The following RGS7 variants were observed in gnomAD, a reference collection of about 807,000 sequenced individuals.
RGS7 encodes regulator of G-protein signaling 7.
RGS7 carries 27 observed loss-of-function variants against 81.1 expected under a neutral mutation model. That is an observed-to-expected ratio of 0.33 (90% CI 0.25 to 0.46). The LOEUF is 0.46. Among genes scored for constraint, RGS7 ranks in the 20% least tolerant of loss-of-function variants. The pLI is 1.00. For synonymous variants in RGS7, 208 were observed against 207.7 expected, an observed-to-expected ratio of 1.00 and a Z score of -0.01; for missense variants, 396 against 607.4, an observed-to-expected ratio of 0.65 and a Z score of 3.66.
chr1:240,922,484 G>C (rs1474259185), intron 6 of RGS7, among the ~76,000 whole-genome samples: 1 of 151,924 alleles, frequency 6.6e-6, no homozygotes, highest in South Asian at 2.1e-4. Flanking sequence ...ATAAAGCACT[G>C]GTATCCACAA....
At chr1:241,120,771 G>C (rs1409286815) in intron 2 of RGS7, among the ~76,000 whole-genome samples, 1 of 152,074 alleles carries the variant, frequency 6.6e-6, no homozygotes, top group Non-Finnish European at 1.5e-5. Context: ...GAGGAAAATA[G>C]GGAAACTAGC....
intron 3 of RGS7, among the ~76,000 whole-genome samples, chr1:240,991,773 T>C (rs921323943): frequency 1.3e-5 from 2 of 152,208 alleles, no homozygotes; most frequent in Non-Finnish European, 2.9e-5. Flanking sequence ...AGCTACCATA[T>C]TGGAACACAT....
chr1:241,210,934 C>A (rs573800842), intron 2 of RGS7, among the ~76,000 whole-genome samples: 1 of 152,218 alleles, frequency 6.6e-6, no homozygotes, highest in South Asian at 2.1e-4. Context: ...TTGTGGTAAC[C>A]AAACTAAATG....
chr1:241,337,344 C>A (rs777453027), intron 2 of RGS7, among the ~76,000 whole-genome samples: 8 of 152,150 alleles, frequency 5.3e-5, no homozygotes, highest in Non-Finnish European at 8.8e-5. Flanking sequence ...GTTGAACAAT[C>A]ATTTAATGGA....
chr1:241,235,757 C>T (rs979600877), intron 2 of RGS7, among the ~76,000 whole-genome samples: 1 of 147,938 alleles, frequency 6.8e-6, no homozygotes, highest in Non-Finnish European at 1.5e-5. Context: ...CTCTCTCTCT[C>T]TTCACTCCTT....
At chr1:240,984,469 G>A (rs1378959730) in intron 3 of RGS7, among the ~76,000 whole-genome samples, 1 of 152,174 alleles carries the variant, frequency 6.6e-6, no homozygotes, top group Admixed American at 6.5e-5. Flanking sequence ...AAGAAGTCAA[G>A]GTTTCTAGCC....
At chr1:241,064,739 CAAAG>C (rs986454893) in intron 3 of RGS7, among the ~76,000 whole-genome samples, 3 of 151,328 alleles carry the variant, frequency 2.0e-5, no homozygotes, top group Non-Finnish European at 4.4e-5. Context: ...AAAAAAGAGA[CAAAG>C]AAAGAAAAAA....
At chr1:240,873,584 T>C (rs563218193) in intron 6 of RGS7, among the ~76,000 whole-genome samples, 34 of 152,250 alleles carry the variant, frequency 2.2e-4, no homozygotes, top group African/African-American at 7.9e-4. Flanking sequence ...CATCTTTGAG[T>C]AGAAACAGAA....
intron 3 of RGS7, chr1:240,998,903 C>T: frequency 2.6e-6 from 1 of 380,728 alleles, no homozygotes; most frequent in Non-Finnish European, 5.0e-6. Context: ...TTATCTTTTT[C>T]CTATCCTTTC....
chr1:241,053,324 G>A (rs889574172), intron 3 of RGS7, among the ~76,000 whole-genome samples: 3 of 152,162 alleles, frequency 2.0e-5, no homozygotes, highest in Non-Finnish European at 4.4e-5. Flanking sequence ...TACAGGCCTT[G>A]CACTCTTTAT....
intron 3 of RGS7, among the ~76,000 whole-genome samples, chr1:241,030,440 G>T (rs1199336232): frequency 7.1e-6 from 1 of 140,410 alleles, no homozygotes; most frequent in Non-Finnish European, 1.5e-5. Flanking sequence ...AAATATATAT[G>T]TGCAATATAT....
intron 6 of RGS7, among the ~76,000 whole-genome samples, chr1:240,876,531 A>G (rs887856103): frequency 6.6e-6 from 1 of 152,224 alleles, no homozygotes. Flanking sequence ...TTTTCCACTC[A>G]GCAAAACAGC....
chr1:241,244,645 ACACACG>A (rs1190723164), intron 2 of RGS7, among the ~76,000 whole-genome samples: 103 of 152,260 alleles, frequency 6.8e-4, no homozygotes, highest in Middle Eastern at 3.4e-3. Context: ...TGCTCTAAAG[ACACACG>A]CACACATATG....
intron 9 of RGS7, among the ~76,000 whole-genome samples, chr1:240,832,258 A>G (rs1693980374): frequency 6.6e-6 from 1 of 152,216 alleles, no homozygotes; most frequent in African/African-American, 2.4e-5. Flanking sequence ...TGGATACAGT[A>G]TTAAGCACAT....
chr1:241,063,406 C>T (rs79117393), intron 3 of RGS7, among the ~76,000 whole-genome samples: 3,875 of 152,204 alleles, frequency 0.025, 149 homozygotes, highest in African/African-American at 0.075. Context: ...GTTTTTGGCT[C>T]AGATGAAGGC....
intron 3 of RGS7, among the ~76,000 whole-genome samples, chr1:241,094,267 A>C (rs2064096662): frequency 6.6e-6 from 1 of 151,900 alleles, no homozygotes; most frequent in Non-Finnish European, 1.5e-5. Context: ...ACACACACAC[A>C]CACACACACA....
chr1:241,037,421 C>T (rs1309676600), intron 3 of RGS7, among the ~76,000 whole-genome samples: 1 of 151,998 alleles, frequency 6.6e-6, no homozygotes, highest in Non-Finnish European at 1.5e-5. Context: ...CTAAAATGCC[C>T]ATCAATCAAC....
intron 6 of RGS7, among the ~76,000 whole-genome samples, chr1:240,870,650 T>C (rs994126741): frequency 6.6e-6 from 1 of 152,148 alleles, no homozygotes; most frequent in Non-Finnish European, 1.5e-5. Flanking sequence ...CATTTAAAAA[T>C]TTTTATTAAA....
At chr1:241,344,896 G>C (rs1048534270) in intron 2 of RGS7, among the ~76,000 whole-genome samples, 1 of 152,142 alleles carries the variant, frequency 6.6e-6, no homozygotes, top group Admixed American at 6.5e-5. Context: ...GATTCGCAGA[G>C]GAATATAAAT....
Sources: gnomAD v4.1 joint callset for allele counts (sites outside exome capture counted in the v4.1 genomes callset) on GRCh38, gnomAD v4.1.1 for gene constraint, MANE v1.5 for transcripts, NCBI Gene and HGNC (gene_info 2026-07-23, HGNC 2026-07-21) for gene names.